The following GPC6 variants were observed in gnomAD, a reference collection of about 807,000 sequenced individuals.
The protein encoded by GPC6 is glypican-6.
GPC6 carries 14 observed loss-of-function variants against 55.2 expected under a neutral mutation model. That is an observed-to-expected ratio of 0.25 (90% CI 0.17 to 0.40). The LOEUF (loss-of-function observed/expected upper bound fraction) is 0.40, where lower values mean the gene tolerates loss of function less well. Among genes scored for constraint, GPC6 ranks in the 10% least tolerant of loss-of-function variants. GPC6 has a pLI of 1.00. For synonymous variants in GPC6, 278 were observed against 259.6 expected (o/e 1.07, Z -0.68); for missense variants, 641 against 708.5 (o/e 0.90, Z 1.08).
chr13:93,705,002 T>G (rs970032786), intron 2 of GPC6, among the ~76,000 whole-genome samples: 1 of 151,934 alleles, frequency 6.6e-6, no homozygotes, highest in African/African-American at 2.4e-5. Flanking sequence ...AGCACTTAGA[T>G]TACACCTGTA....
intron 2 of GPC6, among the ~76,000 whole-genome samples, chr13:93,795,193 G>T (rs1886159068): frequency 6.6e-6 from 1 of 152,104 alleles, no homozygotes; most frequent in Admixed American, 6.5e-5. Flanking sequence ...TATATGTAGG[G>T]TAAAAAAAGA....
intron 4 of GPC6, among the ~76,000 whole-genome samples, chr13:94,263,125 C>T (rs140113549): frequency 6.6e-6 from 1 of 152,190 alleles, no homozygotes; most frequent in African/African-American, 2.4e-5. Flanking sequence ...TAAACTAAGA[C>T]TCAGAAAGTA....
intron 2 of GPC6, among the ~76,000 whole-genome samples, chr13:93,715,746 G>A (rs1330324335): frequency 1.3e-5 from 2 of 151,544 alleles, no homozygotes; most frequent in Admixed American, 6.6e-5. Context: ...GTGCAAAATG[G>A]GAATGGTGAT....
intron 4 of GPC6, among the ~76,000 whole-genome samples, chr13:94,083,706 T>C (rs1256644354): frequency 6.6e-6 from 1 of 152,176 alleles, no homozygotes; most frequent in Non-Finnish European, 1.5e-5. Flanking sequence ...AGATGTTATA[T>C]ATCATTAAGA....
At chr13:93,966,645 T>G (rs1238608236) in intron 3 of GPC6, among the ~76,000 whole-genome samples, 1 of 123,864 alleles carries the variant, frequency 8.1e-6, no homozygotes, top group Non-Finnish European at 1.7e-5. Flanking sequence ...TTTGTTTGTT[T>G]CCTTCATTTT....
intron 6 of GPC6, among the ~76,000 whole-genome samples, chr13:94,316,059 C>T (rs1196821265): frequency 1.3e-5 from 2 of 152,206 alleles, no homozygotes; most frequent in African/African-American, 4.8e-5. Flanking sequence ...TGGACACCCC[C>T]ACTTTAGAGG....
intron 3 of GPC6, among the ~76,000 whole-genome samples, chr13:93,907,476 T>TATCAA (rs1876733366): frequency 2.0e-5 from 3 of 152,194 alleles, no homozygotes; most frequent in Non-Finnish European, 4.4e-5. Context: ...CTGTATTCCT[T>TATCAA]AATCACTTAT....
At chr13:93,651,200 C>A (rs1880393245) in intron 2 of GPC6, among the ~76,000 whole-genome samples, 1 of 150,808 alleles carries the variant, frequency 6.6e-6, no homozygotes, top group African/African-American at 2.4e-5. Context: ...TTATTAAAAA[C>A]AAAATAGAAA....
chr13:93,953,611 T>C (rs1487677785), intron 3 of GPC6, among the ~76,000 whole-genome samples: 3 of 152,224 alleles, frequency 2.0e-5, no homozygotes, highest in Non-Finnish European at 4.4e-5. Context: ...TTATAAGTAT[T>C]TCTTTTGAAT....
intron 3 of GPC6, among the ~76,000 whole-genome samples, chr13:93,946,381 C>T (rs1214184737): frequency 6.6e-6 from 1 of 152,140 alleles, no homozygotes; most frequent in Non-Finnish European, 1.5e-5. Flanking sequence ...ATCCTCCTGC[C>T]TTGGCCTCCA....
chr13:93,776,075 T>TGGGGGGG (rs951252731), intron 2 of GPC6, among the ~76,000 whole-genome samples: 3 of 33,578 alleles, frequency 8.9e-5, no homozygotes, highest in South Asian at 1.2e-3. Flanking sequence ...TTTTGGGGGG[T>TGGGGGGG]GGGGGGGTGG....
rs190812526 is a variant in GPC6, at chr13:93,860,972, C to T, written c.711+30427C>T. Among the ~76,000 whole-genome samples, 61 of 151,512 alleles carry T rather than the reference C, an allele frequency of 4.0e-4. 1 individual carries two copies. The highest frequency in any genetic ancestry group is 6.2e-4 in the Non-Finnish European group (42 of 67,708). On this transcript the variant is annotated intron_variant, in intron 3 of 8. Transcript: ENST00000377047. ...GGTTTGCATGCAGGACTTGGAACTT[C>T]TACCTTCTAGTTGGGGACTGTGTTG...
chr13:94,396,523 G>A (rs1880903155), intron 7 of GPC6, among the ~76,000 whole-genome samples: 1 of 152,250 alleles, frequency 6.6e-6, no homozygotes, highest in South Asian at 2.1e-4. Flanking sequence ...AGTTTGTGCA[G>A]TGCACGAAAT....
chr13:93,604,604 C>G (rs181903932), intron 2 of GPC6, among the ~76,000 whole-genome samples: 1 of 151,858 alleles, frequency 6.6e-6, no homozygotes, highest in African/African-American at 2.4e-5. Flanking sequence ...TCGCTGCTAT[C>G]GTCACTAATA....
At chr13:93,920,857 T>A (rs1402290035) in intron 3 of GPC6, among the ~76,000 whole-genome samples, 1 of 152,192 alleles carries the variant, frequency 6.6e-6, no homozygotes, top group Non-Finnish European at 1.5e-5. Flanking sequence ...CTTCAAGATT[T>A]TTTTTCTTCT....
chr13:93,482,481 T>C (rs549965466), intron 1 of GPC6, among the ~76,000 whole-genome samples: 1 of 152,300 alleles, frequency 6.6e-6, no homozygotes, highest in Admixed American at 6.5e-5. Context: ...AATTTGAGAA[T>C]CTGTTCATAG....
chr13:93,766,590 A>G (rs1235554438), intron 2 of GPC6, among the ~76,000 whole-genome samples: 1 of 148,834 alleles, frequency 6.7e-6, no homozygotes, highest in Non-Finnish European at 1.5e-5. Context: ...GATAGATTTT[A>G]TATTATGTCC....
At chr13:93,774,007 T>C (rs2138896452) in intron 2 of GPC6, among the ~76,000 whole-genome samples, 1 of 152,312 alleles carries the variant, frequency 6.6e-6, no homozygotes, top group South Asian at 2.1e-4. Flanking sequence ...CTGCTTTGGC[T>C]TAGATGCCTC....
In GPC6 at chr13:93,966,832, T is replaced by G. The variant is rs555490566; in HGVS notation, c.712-60897T>G. Among the ~76,000 whole-genome samples the G allele has an allele frequency of 2.0e-3, 309 of 152,066 alleles. 3 individuals carry two copies. The highest frequency in any genetic ancestry group is 3.7e-3 in the Non-Finnish European group (251 of 67,980). ...CACCTGGCTAATTTTTTAAAAATAT[T>G]TTTGCAGTGATGGGGTCTTGCTATG... On this transcript the variant is annotated intron_variant, in intron 3 of 8. Coordinates refer to ENST00000377047, the MANE Select transcript of GPC6 (RefSeq NM_005708.5).
Sources: allele counts gnomAD v4.1 joint callset (sites outside exome capture counted in the v4.1 genomes callset), GRCh38; gene constraint gnomAD v4.1.1; transcripts MANE v1.5; gene names NCBI Gene and HGNC (gene_info 2026-07-23, HGNC 2026-07-21).